Variants in SLC6A12 observed in about 807,000 individuals in gnomAD.
SLC6A12 encodes solute carrier family 6 member 12.
In SLC6A12, 50 loss-of-function variants were observed where a neutral mutation model predicts 73.3. That is an observed-to-expected ratio of 0.68 (90% CI 0.54 to 0.86). The LOEUF (loss-of-function observed/expected upper bound fraction) is 0.86. SLC6A12 is among the 40% of genes least tolerant of loss of function. The pLI, the probability that SLC6A12 is intolerant of heterozygous loss-of-function variation, is 0.00. For missense variants in SLC6A12, 648 were observed against 772.8 expected (o/e 0.84, Z 1.92); for synonymous variants, 304 against 309.2 (o/e 0.98, Z 0.18).
At chr12:208,910 A>G (rs1204230984) in intron 3 of SLC6A12, among the ~76,000 whole-genome samples, 1 of 152,144 alleles carries the variant, frequency 6.6e-6, no homozygotes, top group African/African-American at 2.4e-5. Context: ...CTCTAACTTG[A>G]AAAAAACTCA....
intron 11 of SLC6A12, 55 bp from the exon 12 acceptor site, chr12:196,316 C>T: frequency 6.4e-7 from 1 of 1,565,014 alleles, no homozygotes; most frequent in Non-Finnish European, 8.7e-7. Flanking sequence ...TGTTGGCCAC[C>T]AGCCCTGGCC....
intron 3 of SLC6A12, among the ~76,000 whole-genome samples, chr12:208,123 C>T (rs1239814003): frequency 6.6e-6 from 1 of 152,180 alleles, no homozygotes; most frequent in Non-Finnish European, 1.5e-5. Context: ...CCTCTGCAGT[C>T]CTGGGCAAAT....
chr12:199,558 G>A (rs1162559971), intron 7 of SLC6A12: 1 of 152,582 alleles, frequency 6.6e-6, no homozygotes, highest in African/African-American at 2.4e-5. Flanking sequence ...TCCCTGGGCG[G>A]CGGCAGTGGT....
chr12:195,812 G>A (rs1159159279), intron 12 of SLC6A12, among the ~76,000 whole-genome samples: 1 of 152,122 alleles, frequency 6.6e-6, no homozygotes, highest in African/African-American at 2.4e-5. Flanking sequence ...GGAGACCGAG[G>A]AGCCTTCCTG....
the SLC6A12 span, among the ~76,000 whole-genome samples, chr12:185,026 A>T: frequency 1.3e-5 from 2 of 152,154 alleles, no homozygotes; most frequent in African/African-American, 4.8e-5. Context: ...AGCTGCCACC[A>T]CTTCTAGTTA....
In SLC6A12 at chr12:198,182, C is replaced by T. The variant is rs1940023651; in HGVS notation, c.847-179G>A. On this transcript the variant is annotated intron_variant, in intron 8 of 15. Coordinates refer to ENST00000684302, the MANE Select transcript of SLC6A12 (RefSeq NM_001122848.3). The surrounding 1 kb of genome is among the most constrained non-coding windows in gnomAD (Gnocchi z 4.0). ...CTCCGGTCTCCACGGTGATCTCCTC[C>T]CCAGTGCGGCCCAGTTTCGGTTTGG... Among the ~76,000 whole-genome samples, 1 of 152,178 alleles carries T rather than the reference C, an allele frequency of 6.6e-6. No homozygotes were observed. The highest frequency in any genetic ancestry group is 1.9e-4 in the East Asian group (1 of 5,188).
chr12:188,533 G>A (rs12422447), downstream of SLC6A12, among the ~76,000 whole-genome samples: 66,433 of 152,110 alleles, frequency 0.44, 14,916 homozygotes, highest in African/African-American at 0.54. Context: ...ACAGTGCAGC[G>A]GGGGGCTGAA....
At chr12:211,876 GA>G (rs1355660783) in intron 2 of SLC6A12, 149 bp downstream of exon 2, 1 of 152,188 alleles carries the variant, frequency 6.6e-6, no homozygotes, top group Non-Finnish European at 1.5e-5. Flanking sequence ...ACGTATTATT[GA>G]AGTGCATCCT....
At chr12:187,874 A>T (rs565091), downstream of SLC6A12, among the ~76,000 whole-genome samples, 74,562 of 151,878 alleles carry the variant, frequency 0.49, 19,299 homozygotes, top group African/African-American at 0.67. Flanking sequence ...CCCACCAGAG[A>T]AGCTAGATAC....
At chr12:195,369 C>G in intron 12 of SLC6A12, 42 bp from the exon 13 acceptor site, 1 of 1,263,412 alleles carries the variant, frequency 7.9e-7, no homozygotes, top group African/African-American at 1.5e-5. Context: ...CAGTGCAGAG[C>G]TGGGACACAC....
At chr12:192,016 C>T (rs559514931) in intron 15 of SLC6A12, among the ~76,000 whole-genome samples, 4 of 152,174 alleles carry the variant, frequency 2.6e-5, no homozygotes, top group African/African-American at 4.8e-5. Context: ...AGGATATGTC[C>T]CAAACTCTAG....
chr12:209,050 G>A (rs1046504538), intron 3 of SLC6A12, among the ~76,000 whole-genome samples: 2 of 152,000 alleles, frequency 1.3e-5, no homozygotes, highest in African/African-American at 4.8e-5. Flanking sequence ...GCCCTCACCC[G>A]GTTATTCTCT....
At position 196,211 on chromosome 12, in the gene SLC6A12, C is replaced by T. The variant is rs944211068; in HGVS notation, c.1239G>A (p.Arg413=). ...LVTASIDMFP[R]QLRKSGRREL... ...CGCGCCGCCCGCTCTTCCGGAGCTGCCTGGGGAACATGTCTATGGAGGCTG... is the reference window on the plus strand; with the variant it reads ...CGCGCCGCCCGCTCTTCCGGAGCTGTCTGGGGAACATGTCTATGGAGGCTG... The change falls in exon 12 of 16, where the codon AGG becomes AGA. Residue 413 remains arginine (R), a synonymous_variant. Coordinates refer to ENST00000684302, the MANE Select transcript of SLC6A12 (RefSeq NM_001122848.3). 6 of 1,598,926 alleles carry T rather than the reference C, an allele frequency of 3.8e-6. No individual in the cohort carries two copies. Among genetic ancestry groups the T allele is most frequent in the Non-Finnish European group, 5.1e-6 (6 of 1,174,264 alleles).
chr12:200,776 C>T lies in SLC6A12; in HGVS notation c.586G>A (p.Val196Ile), dbSNP rs1940217269. The T allele has an allele frequency of 1.2e-6, 2 of 1,613,720 alleles. No homozygotes were observed. Among genetic ancestry groups the T allele is most frequent in the East Asian group, 2.2e-5 (1 of 44,852 alleles). ...SPVMEFWERRVLGITSGIHDL... is the reference protein window; with the variant it reads ...SPVMEFWERRILGITSGIHDL... ...TGGATGCCCGAGGTGATGCCCAGAA[C>T]TCGTCTCCTGGAGGATTGGGAAAAA... Residue 196 changes from valine to isoleucine, a missense_variant, in exon 7 of 16, where the codon GTT becomes ATT. Physicochemically the swap from Val to Ile is conservative, Grantham distance 29. Transcript: ENST00000684302.
At chr12:211,085 A>G (rs1455087208) in intron 2 of SLC6A12, 1 of 151,774 alleles carries the variant, frequency 6.6e-6, no homozygotes, top group Non-Finnish European at 1.5e-5. Flanking sequence ...AATTGCCAAG[A>G]GGAGGTGCCC....
At chr12:201,965 T>C in intron 5 of SLC6A12, 116 bp from the exon 6 acceptor site, 2 of 791,254 alleles carry the variant, frequency 2.5e-6, no homozygotes, top group African/African-American at 1.7e-5. Context: ...CAAGAGCTTC[T>C]TTTGGAGCCC....
chr12:188,590 C>T (rs1939487196), downstream of SLC6A12, among the ~76,000 whole-genome samples: 1 of 152,206 alleles, frequency 6.6e-6, no homozygotes. Flanking sequence ...CGAGCGAGGG[C>T]TGTGAGGGCT....
chr12:200,685 A>C lies in SLC6A12; in HGVS notation c.677T>G (p.Phe226Cys). The change falls in exon 7 of 16, where the codon TTC becomes TGC. Residue 226 changes from phenylalanine to cysteine, a missense_variant. Phe to Cys is a radical substitution (Grantham distance 205). Coordinates refer to ENST00000684302, the MANE Select transcript of SLC6A12 (RefSeq NM_001122848.3). ...CLLLAWVICYFCIWKGVKSTG... is the reference protein window; with the variant it reads ...CLLLAWVICYCCIWKGVKSTG... ...GGACTTGACCCCCTTCCAGATGCAG[A>C]AATAGCAGATGACCCAGGCGAGCAG... The C allele has an allele frequency of 1.2e-6, 2 of 1,614,134 alleles. No homozygotes were observed. Among genetic ancestry groups the C allele is most frequent in the Non-Finnish European group, 1.7e-6 (2 of 1,180,020 alleles).
intron 7 of SLC6A12, among the ~76,000 whole-genome samples, chr12:200,377 G>C (rs1280547664): frequency 1.3e-5 from 2 of 152,058 alleles, no homozygotes; most frequent in Admixed American, 6.5e-5. Context: ...CAAAGTGCTG[G>C]GATTACAGGC....
Sources: gnomAD v4.1 joint callset for allele counts (sites outside exome capture counted in the v4.1 genomes callset) on GRCh38, gnomAD v4.1.1 for gene constraint, Gnocchi (gnomAD v3.1) non-coding constraint, MANE v1.5 for transcripts, NCBI Gene and HGNC (gene_info 2026-07-23, HGNC 2026-07-21) for gene names.